The following PCDH15 variants were observed in gnomAD, a reference collection of about 807,000 sequenced individuals.
The protein encoded by PCDH15 is protocadherin related 15.
A neutral mutation model predicts 178.5 loss-of-function variants in PCDH15; 129 were observed. The ratio of observed to expected loss-of-function variants is 0.72; its 90% CI spans 0.63 to 0.84. PCDH15 has a LOEUF of 0.84. PCDH15 is among the 40% of genes least tolerant of loss of function. The pLI, the probability that PCDH15 is intolerant of heterozygous loss-of-function variation, is 0.00. For synonymous variants in PCDH15, 800 were observed against 732.0 expected, an observed-to-expected ratio of 1.09 and a Z score of -1.50; for missense variants, 2,230 against 2,099.9, an observed-to-expected ratio of 1.06 and a Z score of -1.21.
chr10:54,410,416 C>T (rs1335333635), intron 3 of PCDH15, among the ~76,000 whole-genome samples: 3 of 152,058 alleles, frequency 2.0e-5, no homozygotes, highest in Non-Finnish European at 4.4e-5. Context: ...TTCTTTTAGA[C>T]TTTGCTTGAC....
chr10:55,157,226 A>G (rs934912610), intron 2 of PCDH15, among the ~76,000 whole-genome samples: 6 of 152,122 alleles, frequency 3.9e-5, no homozygotes, highest in African/African-American at 1.4e-4. Context: ...ACTGGCCATC[A>G]GAGAAATGCA....
intron 1 of PCDH15, among the ~76,000 whole-genome samples, chr10:54,723,125 A>G (rs895444980): frequency 2.0e-5 from 3 of 151,816 alleles, no homozygotes; most frequent in Non-Finnish European, 2.9e-5. Flanking sequence ...TAGAGGAATC[A>G]CATTGTGTGA....
At chr10:54,865,226 C>T (rs796423147) in intron 3 of PCDH15, among the ~76,000 whole-genome samples, 1 of 152,148 alleles carries the variant, frequency 6.6e-6, no homozygotes, top group South Asian at 2.1e-4. Context: ...GTGGCTAGAA[C>T]AAAGCAGGCA....
intron 3 of PCDH15, among the ~76,000 whole-genome samples, chr10:54,396,557 A>G (rs1951253365): frequency 6.6e-6 from 1 of 152,164 alleles, no homozygotes; most frequent in Non-Finnish European, 1.5e-5. Context: ...GTCTTGACAG[A>G]GAACTCACAT....
intron 1 of PCDH15, among the ~76,000 whole-genome samples, chr10:55,284,966 T>A (rs1408803156): frequency 1.3e-5 from 2 of 151,798 alleles, no homozygotes; most frequent in African/African-American, 4.8e-5. Flanking sequence ...AAAGGGATTC[T>A]GGTTTTGAAG....
intron 15 of PCDH15, among the ~76,000 whole-genome samples, chr10:54,129,363 GAACT>G (rs781119942): frequency 1.3e-5 from 2 of 152,126 alleles, no homozygotes; most frequent in African/African-American, 2.4e-5. Flanking sequence ...AAACTCTATT[GAACT>G]AACCCATTTT....
chr10:55,065,243 A>T (rs1841533203), intron 2 of PCDH15, among the ~76,000 whole-genome samples: 1 of 152,008 alleles, frequency 6.6e-6, no homozygotes, highest in Non-Finnish European at 1.5e-5. Context: ...CCTACCATCT[A>T]CTTCCAATCC....
intron 2 of PCDH15, among the ~76,000 whole-genome samples, chr10:55,161,066 A>AG (rs1446527570): frequency 3.9e-5 from 6 of 152,142 alleles, no homozygotes; most frequent in African/African-American, 1.4e-4. Flanking sequence ...CACTCCCAGT[A>AG]GACCATAGAG....
Position 53,995,628 on chromosome 10 carries a change from TAATC to T in PCDH15, c.2868+17_2868+20del, listed in dbSNP as rs1564959504. On this transcript the variant is annotated intron_variant, in intron 21 of 37. Coordinates refer to ENST00000644397, the MANE Select transcript of PCDH15 (RefSeq NM_001384140.1). ...TTTTTCTCAGTACAGTTCAGAATAT[TAATC>T]AATGCCTTCTACTTACAGGAGGGTC... 1.9e-6 allele frequency: 3 copies of T among 1,613,834 alleles called. No individual in the cohort carries two copies. Among genetic ancestry groups the T allele is most frequent in the Non-Finnish European group, 2.5e-6 (3 of 1,179,740 alleles).
At chr10:55,142,844 T>C (rs1186341802) in intron 2 of PCDH15, among the ~76,000 whole-genome samples, 1 of 151,644 alleles carries the variant, frequency 6.6e-6, no homozygotes, top group Non-Finnish European at 1.5e-5. Context: ...GATAAGAAAT[T>C]TGAGAGATGG....
intron 2 of PCDH15, among the ~76,000 whole-genome samples, chr10:54,549,079 CTTCT>C (rs1310091288): frequency 2.0e-5 from 3 of 151,558 alleles, no homozygotes; most frequent in Non-Finnish European, 2.9e-5. Flanking sequence ...ATTTATTTGG[CTTCT>C]TTCTTTAATT....
At chr10:54,602,948 G>C (rs1486645679) in intron 2 of PCDH15, among the ~76,000 whole-genome samples, 1 of 151,660 alleles carries the variant, frequency 6.6e-6, no homozygotes, top group South Asian at 2.1e-4. Context: ...GATGTCTTTG[G>C]TTATCAGGTC....
chr10:55,099,054 A>G (rs1174368273), intron 2 of PCDH15, among the ~76,000 whole-genome samples: 2 of 152,038 alleles, frequency 1.3e-5, no homozygotes, highest in Non-Finnish European at 2.9e-5. Flanking sequence ...TTTACCCCAG[A>G]CAGTGATGCT....
intron 1 of PCDH15, among the ~76,000 whole-genome samples, chr10:55,171,379 C>T (rs1839327596): frequency 2.0e-5 from 3 of 152,134 alleles, no homozygotes; most frequent in Admixed American, 2.0e-4. Context: ...GAATCTTTTT[C>T]ATCCAACATT....
chr10:54,889,342 C>T (rs1441839458), intron 3 of PCDH15, among the ~76,000 whole-genome samples: 2 of 151,606 alleles, frequency 1.3e-5, no homozygotes, highest in Non-Finnish European at 3.0e-5. Flanking sequence ...AAGTAATTAG[C>T]ACATTCTAGG....
At chr10:54,369,702 C>A in intron 4 of PCDH15, among the ~76,000 whole-genome samples, 1 of 151,922 alleles carries the variant, frequency 6.6e-6, no homozygotes, top group East Asian at 1.9e-4. Flanking sequence ...ATTATATGTT[C>A]ATTGCTGATC....
chr10:55,502,601 A>T (rs2132141153), intron 2 of PCDH15, among the ~76,000 whole-genome samples: 1 of 151,746 alleles, frequency 6.6e-6, no homozygotes, highest in East Asian at 2.0e-4. Context: ...ACTTTAGTAA[A>T]CAGTCAGTCG....
intron 15 of PCDH15, among the ~76,000 whole-genome samples, chr10:54,112,582 C>A (rs1242142376): frequency 6.6e-6 from 1 of 152,108 alleles, no homozygotes; most frequent in East Asian, 1.9e-4. Flanking sequence ...CCACTTGTTA[C>A]TCATCTCAAA....
At chr10:55,344,712 A>T (rs1034127283) in intron 2 of PCDH15, among the ~76,000 whole-genome samples, 1 of 152,100 alleles carries the variant, frequency 6.6e-6, no homozygotes, top group African/African-American at 2.4e-5. Context: ...GATGGCTAAT[A>T]GGCAGTTGAT....
Sources: allele counts gnomAD v4.1 joint callset (sites outside exome capture counted in the v4.1 genomes callset), GRCh38; gene constraint gnomAD v4.1.1; transcripts MANE v1.5; gene names NCBI Gene and HGNC (gene_info 2026-07-23, HGNC 2026-07-21).